TCEANC2: variants seen among roughly 807,000 people sequenced by gnomAD.
TCEANC2 encodes the protein transcription elongation factor A N-terminal and central domain containing 2.
Under a neutral mutation model 22.8 loss-of-function variants are expected in TCEANC2, and 20 were observed. The observed-to-expected ratio is 0.88, with a 90% CI of 0.62 to 1.28. TCEANC2 has a LOEUF of 1.28. Among genes scored for constraint, TCEANC2 ranks in the 50% most tolerant of loss-of-function variants. The pLI, the probability that TCEANC2 is intolerant of heterozygous loss-of-function variation, is 0.00. For missense variants in TCEANC2, 251 were observed against 249.7 expected, an observed-to-expected ratio of 1.01 and a Z score of -0.03; for synonymous variants, 84 against 95.5, an observed-to-expected ratio of 0.88 and a Z score of 0.70.
intron 2 of TCEANC2, among the ~76,000 whole-genome samples, chr1:54,064,527 A>G (rs1657912184): frequency 6.6e-6 from 1 of 152,048 alleles, no homozygotes; most frequent in South Asian, 2.1e-4. Flanking sequence ...AACCAGTATG[A>G]TTGGTTGTGG....
At chr1:54,109,135 G>A (rs1161340200), downstream of TCEANC2, among the ~76,000 whole-genome samples, 1 of 152,228 alleles carries the variant, frequency 6.6e-6, no homozygotes, top group Non-Finnish European at 1.5e-5. Flanking sequence ...TGGGAGCACA[G>A]TGGAGGGACC....
At chr1:54,061,156 T>A (rs1657847044) in intron 2 of TCEANC2, among the ~76,000 whole-genome samples, 1 of 152,210 alleles carries the variant, frequency 6.6e-6, no homozygotes, top group Non-Finnish European at 1.5e-5. Context: ...GTGTTCACAA[T>A]GGCAAATTAA....
intron 3 of TCEANC2, among the ~76,000 whole-genome samples, chr1:54,071,923 C>G (rs1272539951): frequency 1.3e-5 from 2 of 151,874 alleles, no homozygotes; most frequent in East Asian, 1.9e-4. Context: ...GTGATCCCCC[C>G]ACCTCAGCCC....
At chr1:54,054,595 G>A in intron 2 of TCEANC2, 71 bp downstream of exon 2, 1 of 1,452,206 alleles carries the variant, frequency 6.9e-7, no homozygotes, top group Non-Finnish European at 9.2e-7. Flanking sequence ...AGGTTCTGTT[G>A]TGGAAAGACC....
rs1557697264 is a variant in TCEANC2, at chr1:54,103,373, G to C, written c.*6900G>C. On this transcript the variant is annotated 3_prime_UTR_variant, in exon 5 of 5. Transcript: ENST00000234827. ...CATGGCAGAAGGCAAGGGGAAGCAG[G>C]CATCTTCTTCACAAGACAGCAGGGG... is the stretch of plus-strand genomic sequence containing the variant. 1.3e-5 allele frequency: 2 copies of C among 152,642 alleles called. No homozygotes were observed. Among genetic ancestry groups the C allele is most frequent in the Non-Finnish European group, 2.9e-5 (2 of 68,354 alleles). The allele number at this position is 152,642 out of a possible 1,614,324, so 9.5% of individuals were successfully genotyped here. A position where few individuals can be genotyped will look rare whatever the true frequency, so the allele number is the denominator to read the frequency against.
chr1:54,054,333 A>G, intron 1 of TCEANC2, 48 bp from the exon 2 acceptor site: 1 of 1,550,780 alleles, frequency 6.4e-7, no homozygotes, highest in African/African-American at 1.4e-5. Flanking sequence ...AAAAAATATC[A>G]TGGCAGTCTT....
chr1:54,093,425 C>A (rs1658485635), intron 4 of TCEANC2, among the ~76,000 whole-genome samples: 2 of 152,162 alleles, frequency 1.3e-5, no homozygotes, highest in South Asian at 4.1e-4. Context: ...CATGATGAAT[C>A]ATTTTCTATT....
intron 3 of TCEANC2, among the ~76,000 whole-genome samples, chr1:54,088,149 A>G (rs1305025943): frequency 6.6e-6 from 1 of 152,164 alleles, no homozygotes; most frequent in Admixed American, 6.5e-5. Context: ...CTCTGAATGA[A>G]TTATTTCATC....
downstream of TCEANC2, among the ~76,000 whole-genome samples, chr1:54,109,508 CAG>C (rs374306979): frequency 3.6e-4 from 55 of 152,260 alleles, no homozygotes; most frequent in East Asian, 8.9e-3. Context: ...TTACATGTAT[CAG>C]GGGCTTACTA....
intron 2 of TCEANC2, among the ~76,000 whole-genome samples, chr1:54,059,261 T>C (rs1320870282): frequency 6.6e-6 from 1 of 151,720 alleles, no homozygotes; most frequent in South Asian, 2.1e-4. Context: ...CAAGCGATTC[T>C]CCTGCCTCAG....
chr1:54,067,924 A>AT (rs568974206), intron 2 of TCEANC2, among the ~76,000 whole-genome samples: 3 of 152,164 alleles, frequency 2.0e-5, no homozygotes, highest in South Asian at 2.1e-4. Flanking sequence ...CCAAGATGAG[A>AT]TTTTTTTGTG....
At chr1:54,072,599 G>T (rs1658077619) in intron 3 of TCEANC2, among the ~76,000 whole-genome samples, 1 of 152,024 alleles carries the variant, frequency 6.6e-6, no homozygotes, top group Non-Finnish European at 1.5e-5. Context: ...GTTTCACCAT[G>T]TTGGTCAGGA....
chr1:54,072,368 T>C (rs949079750), intron 3 of TCEANC2, among the ~76,000 whole-genome samples: 1 of 151,790 alleles, frequency 6.6e-6, no homozygotes, highest in African/African-American at 2.4e-5. Flanking sequence ...GTTTTTCATT[T>C]TTAAAAATTT....
chr1:54,106,107 A>C (rs919128622), downstream of TCEANC2: 2 of 152,206 alleles, frequency 1.3e-5, no homozygotes, highest in African/African-American at 4.8e-5. Context: ...CATTTGGTTC[A>C]TGGGCCTTAG....
intron 4 of TCEANC2, among the ~76,000 whole-genome samples, chr1:54,095,261 G>T (rs1159695365): frequency 2.6e-5 from 4 of 152,210 alleles, no homozygotes; most frequent in Non-Finnish European, 5.9e-5. Context: ...TTTTTGTTTG[G>T]TTGTTTTTGC....
chr1:54,088,180 T>C (rs1658374940), intron 3 of TCEANC2, among the ~76,000 whole-genome samples: 1 of 152,206 alleles, frequency 6.6e-6, no homozygotes, highest in Non-Finnish European at 1.5e-5. Flanking sequence ...AAAAATGTTC[T>C]CATTCTGTCA....
At chr1:54,107,725 A>G (rs141061059), downstream of TCEANC2, among the ~76,000 whole-genome samples, 302 of 152,328 alleles carry the variant, frequency 2.0e-3, 3 homozygotes, top group African/African-American at 6.8e-3. Context: ...GTATTTTTAA[A>G]TGCAGAAAAC....
At chr1:54,064,039 G>A (rs1485608684) in intron 2 of TCEANC2, among the ~76,000 whole-genome samples, 1 of 152,216 alleles carries the variant, frequency 6.6e-6, no homozygotes, top group East Asian at 1.9e-4. Context: ...AAAGGCAAAT[G>A]TGAGATTTCT....
chr1:54,069,992 C>T (rs1012930941), intron 3 of TCEANC2, among the ~76,000 whole-genome samples: 1 of 152,130 alleles, frequency 6.6e-6, no homozygotes, highest in African/African-American at 2.4e-5. Context: ...CAGCCATTGC[C>T]TTGGTCTGCC....
Sources: gnomAD v4.1 joint callset for allele counts (sites outside exome capture counted in the v4.1 genomes callset) on GRCh38, gnomAD v4.1.1 for gene constraint, MANE v1.5 for transcripts, NCBI Gene and HGNC (gene_info 2026-07-23, HGNC 2026-07-21) for gene names.